Variants in BDNF observed in about 807,000 individuals in gnomAD.
BDNF encodes neurotrophic factor BDNF precursor form.
Under a neutral mutation model 19.5 loss-of-function variants are expected in BDNF, and 1 was observed. The ratio of observed to expected loss-of-function variants is 0.05; its 90% CI spans 0.02 to 0.24. The LOEUF is 0.24. Among genes scored for constraint, BDNF ranks in the 10% least tolerant of loss-of-function variants. The pLI is 1.00. For missense variants in BDNF, 195 were observed against 317.6 expected, an observed-to-expected ratio of 0.61 and a Z score of 2.93; for synonymous variants, 100 against 121.6, an observed-to-expected ratio of 0.82 and a Z score of 1.17.
In BDNF at chr11:27,699,602, A is replaced by G. The variant is rs1859647275; in HGVS notation, c.-22+562T>C. On this transcript the variant is annotated intron_variant, in intron 1 of 1. Coordinates refer to ENST00000356660, the MANE Select transcript of BDNF (RefSeq NM_001709.5). ...GGAATTCCGCCTCCCAAGTTTTCCA[A>G]GCTACATTGGCTTCGGACTTGTAAG... 8.8e-6 allele frequency: 13 copies of G among 1,472,936 alleles called. No homozygotes were observed. In the South Asian group the frequency reaches 1.2e-4, roughly 14 times the overall value. 91.2% of individuals were successfully genotyped at this position (1,472,936 alleles called of 1,614,324 possible). A position where few individuals can be genotyped will look rare whatever the true frequency, so the allele number is the denominator to read the frequency against.
chr11:27,696,222 G>A (rs762805311), intron 1 of BDNF: 1 of 152,084 alleles, frequency 6.6e-6, no homozygotes, highest in Non-Finnish European at 1.5e-5. Context: ...TTAAGAGGAC[G>A]TTTAGGACAC....
intron 1 of BDNF, among the ~76,000 whole-genome samples, chr11:27,689,020 C>T (rs1046217057): frequency 3.9e-5 from 6 of 152,122 alleles, no homozygotes; most frequent in African/African-American, 1.4e-4. Flanking sequence ...TAAAAAACTC[C>T]TTGGAAAAAA....
At chr11:27,706,579 C>G (rs989781349) in intron 1 of BDNF, among the ~76,000 whole-genome samples, 1 of 152,212 alleles carries the variant, frequency 6.6e-6, no homozygotes, top group East Asian at 1.9e-4. Flanking sequence ...GATCTCACAA[C>G]CTTTCTTCAT....
chr11:27,674,171 G>A (rs200573189), intron 1 of BDNF: 423 of 1,610,086 alleles, frequency 2.6e-4, no homozygotes, highest in Middle Eastern at 1.5e-3. Context: ...AAGCGTGTGG[G>A]TAGACGCCAA....
chr11:27,658,431 C>G lies in BDNF; in HGVS notation c.134G>C (p.Ser45Thr). 2 of 1,614,236 alleles carry G rather than the reference C, an allele frequency of 1.2e-6. No homozygotes were observed. The highest frequency in any genetic ancestry group is 8.5e-7 in the Non-Finnish European group (1 of 1,180,048). Residue 45 changes from serine to threonine, a missense_variant, in exon 2 of 2, where the codon AGC becomes ACC. Transcript: ENST00000356660. The surrounding 1 kb of genome is among the most constrained non-coding windows in gnomAD (Gnocchi z 5.7). ...TGAACCTGCCTTGGGCCCATTCACGCTCTCCAGAGTCCCATGGGTCCGCAC... is the reference window on the plus strand; with the variant it reads ...TGAACCTGCCTTGGGCCCATTCACGGTCTCCAGAGTCCCATGGGTCCGCAC... ...PGVRTHGTLE[S>T]VNGPKAGSRG...
At chr11:27,699,708 C>G in intron 1 of BDNF, 1 of 1,388,322 alleles carries the variant, frequency 7.2e-7, no homozygotes, top group South Asian at 1.6e-5. Context: ...GCGCAAGCTT[C>G]CCTCCCACTC....
intron 1 of BDNF, chr11:27,697,792 C>T (rs1358531494): frequency 6.6e-6 from 1 of 152,144 alleles, no homozygotes; most frequent in Non-Finnish European, 1.5e-5. Flanking sequence ...GCTACTAACT[C>T]AGCTCTGAAT....
chr11:27,666,168 G>A (rs987245121), intron 1 of BDNF, among the ~76,000 whole-genome samples: 2 of 152,190 alleles, frequency 1.3e-5, no homozygotes, highest in African/African-American at 2.4e-5. Context: ...GTCTGGAGTG[G>A]ACCTCCAGCA....
chr11:27,719,633 A>C (rs1860669399), intron 1 of BDNF: 1 of 984,664 alleles, frequency 1.0e-6, no homozygotes, highest in Non-Finnish European at 1.2e-6. Context: ...GGGAGGACAG[A>C]AGGGAAAAAA....
intron 1 of BDNF, among the ~76,000 whole-genome samples, chr11:27,673,838 C>T (rs960448122): frequency 6.6e-6 from 1 of 152,012 alleles, no homozygotes; most frequent in African/African-American, 2.4e-5. Context: ...GAATAATTCT[C>T]ACCTGATGAA....
At chr11:27,707,578 C>A (rs186444117) in intron 1 of BDNF, among the ~76,000 whole-genome samples, 92 of 152,214 alleles carry the variant, frequency 6.0e-4, no homozygotes, top group Non-Finnish European at 1.2e-3. Context: ...CTTAGTCAGC[C>A]AGTGAGAGGC....
chr11:27,699,228 C>G (rs1859589783), intron 1 of BDNF, among the ~76,000 whole-genome samples: 1 of 151,992 alleles, frequency 6.6e-6, no homozygotes, highest in Non-Finnish European at 1.5e-5. Flanking sequence ...CGCTCTACCC[C>G]CAACACACAA....
intron 1 of BDNF, among the ~76,000 whole-genome samples, chr11:27,671,298 A>G (rs1364785653): frequency 2.0e-5 from 3 of 147,420 alleles, no homozygotes; most frequent in Admixed American, 6.9e-5. Flanking sequence ...CTAGAACTTA[A>G]AGTATAATTA....
rs561382967 is a variant in BDNF, at chr11:27,718,061, C to T, written c.3+3351G>A. Among the ~76,000 whole-genome samples the T allele has an allele frequency of 7.3e-4, 111 of 152,224 alleles. 2 individuals carry two copies. The highest frequency in any genetic ancestry group is 2.6e-3 in the African/African-American group (107 of 41,544). On this transcript the variant is annotated intron_variant, in intron 1 of 1. Coordinates refer to the BDNF transcript ENST00000314915. ...AACTAAAAGGATAATATTCCCTTAACGATGCATTCATTTGAAGCCCTAGCA... is the reference window on the plus strand; with the variant it reads ...AACTAAAAGGATAATATTCCCTTAATGATGCATTCATTTGAAGCCCTAGCA...
At chr11:27,720,709 G>T (rs1011353719) in intron 1 of BDNF, 4 of 985,716 alleles carry the variant, frequency 4.1e-6, no homozygotes, top group South Asian at 4.7e-5. Flanking sequence ...GACTCCTATC[G>T]CCCGGATTAC....
Position 27,657,633 on chromosome 11 carries a change from C to CTGTT in BDNF, c.*184_*187dup. On this transcript the variant is annotated 3_prime_UTR_variant, in exon 2 of 2. Coordinates refer to ENST00000356660, the MANE Select transcript of BDNF (RefSeq NM_001709.5). The surrounding 1 kb of genome is among the most constrained non-coding windows in gnomAD (Gnocchi z 5.0). The stretch of plus-strand genomic sequence containing the variant: ...GACTTTTTAAGTTGTGCGCAAATGA[C>CTGTT]TGTTTCCCTTCTGGTCATGGACATG... 1 of 1,408,866 alleles carries CTGTT rather than the reference C, an allele frequency of 7.1e-7. No individual in the cohort carries two copies. Among genetic ancestry groups the CTGTT allele is most frequent in the East Asian group, 2.6e-5 (1 of 38,858 alleles). The allele number at this position is 1,408,866 out of a possible 1,614,324, so 87.3% of individuals were successfully genotyped here.
chr11:27,694,543 G>T (rs1012802359), intron 1 of BDNF, among the ~76,000 whole-genome samples: 1 of 148,986 alleles, frequency 6.7e-6, no homozygotes, highest in Non-Finnish European at 1.5e-5. Flanking sequence ...TGTCATCCAA[G>T]AATTTTAAGT....
At chr11:27,689,581 G>A (rs893704108) in intron 1 of BDNF, among the ~76,000 whole-genome samples, 3 of 152,212 alleles carry the variant, frequency 2.0e-5, no homozygotes, top group African/African-American at 7.2e-5. Flanking sequence ...AGTAGAGCAA[G>A]TTTTCCTAAC....
intron 1 of BDNF, among the ~76,000 whole-genome samples, chr11:27,694,910 T>A (rs1268011786): frequency 6.6e-6 from 1 of 152,208 alleles, no homozygotes; most frequent in African/African-American, 2.4e-5. Flanking sequence ...GTTTGGTACA[T>A]ATCCATGAAA....
Sources: gnomAD v4.1 joint callset for allele counts (sites outside exome capture counted in the v4.1 genomes callset) on GRCh38, gnomAD v4.1.1 for gene constraint, Gnocchi (gnomAD v3.1) non-coding constraint, MANE v1.5 for transcripts, NCBI Gene and HGNC (gene_info 2026-07-23, HGNC 2026-07-21) for gene names.